Variants in FLI1 observed in about 807,000 individuals in gnomAD.
FLI1 encodes the protein Friend leukemia integration 1 transcription factor.
FLI1 carries 13 observed loss-of-function variants against 53.1 expected under a neutral mutation model. The ratio of observed to expected loss-of-function variants is 0.24; its 90% CI spans 0.16 to 0.39. The LOEUF (loss-of-function observed/expected upper bound fraction) is 0.39, where lower values mean the gene tolerates loss of function less well. Among genes scored for constraint, FLI1 ranks in the 10% least tolerant of loss-of-function variants. The probability of loss-of-function intolerance (pLI) is 1.00; values close to 1 mark genes in which losing one functional copy is unlikely to be tolerated. For missense variants in FLI1, 424 were observed against 600.5 expected (o/e 0.71, Z 3.07); for synonymous variants, 244 against 236.7 (o/e 1.03, Z -0.28).
At chr11:128,797,501 A>C (rs2268606) in intron 5 of FLI1, among the ~76,000 whole-genome samples, 15,389 of 152,110 alleles carry the variant, frequency 0.1, 933 homozygotes, top group East Asian at 0.26. Context: ...TTCAGAGAAG[A>C]CCTCCCATCC....
intron 1 of FLI1, among the ~76,000 whole-genome samples, chr11:128,724,246 G>A (rs916360584): frequency 2.0e-5 from 3 of 152,132 alleles, no homozygotes; most frequent in African/African-American, 7.2e-5. Flanking sequence ...TGCCTGGCCT[G>A]GAGTTGATTT....
chr11:128,772,758 C>T, intron 3 of FLI1, 24 bp from the exon 4 acceptor site: 1 of 1,608,744 alleles, frequency 6.2e-7, no homozygotes, highest in Non-Finnish European at 8.5e-7. Context: ...GCAGTCCTTG[C>T]TAACAACGTC....
intron 1 of FLI1, among the ~76,000 whole-genome samples, chr11:128,698,378 A>C (rs1452407499): frequency 6.6e-6 from 1 of 152,230 alleles, no homozygotes; most frequent in Non-Finnish European, 1.5e-5. Context: ...GTGGTTACCA[A>C]GTGGAATCCT....
chr11:128,727,084 C>G (rs1274414407), intron 1 of FLI1, among the ~76,000 whole-genome samples: 1 of 152,090 alleles, frequency 6.6e-6, no homozygotes, highest in Non-Finnish European at 1.5e-5. Context: ...AGGGAGAATC[C>G]TCTTCTGTAT....
upstream of FLI1, among the ~76,000 whole-genome samples, chr11:128,685,760 A>C (rs900825234): frequency 1.3e-5 from 2 of 150,464 alleles, no homozygotes; most frequent in Non-Finnish European, 3.0e-5. Flanking sequence ...TGGGGAGAAA[A>C]GTGCTTTATC....
intron 6 of FLI1, 72 bp downstream of exon 6, chr11:128,805,503 A>T (rs1354450592): frequency 1.1e-6 from 1 of 942,316 alleles, no homozygotes; most frequent in Non-Finnish European, 1.6e-6. Context: ...CAGGATCATG[A>T]GACACAGGAG....
chr11:128,712,212 T>C (rs1938809414), intron 1 of FLI1, among the ~76,000 whole-genome samples: 1 of 152,102 alleles, frequency 6.6e-6, no homozygotes, highest in African/African-American at 2.4e-5. Flanking sequence ...GTCTGGGACC[T>C]CCTCCTTCTC....
At chr11:128,735,043 C>A (rs563577779) in intron 1 of FLI1, among the ~76,000 whole-genome samples, 1 of 152,184 alleles carries the variant, frequency 6.6e-6, no homozygotes, top group Non-Finnish European at 1.5e-5. Flanking sequence ...TTTATGACCA[C>A]GAACGTAGTC....
At chr11:128,763,196 C>T (rs1282306395) in intron 2 of FLI1, among the ~76,000 whole-genome samples, 1 of 152,142 alleles carries the variant, frequency 6.6e-6, no homozygotes, top group Non-Finnish European at 1.5e-5. Context: ...TTGCTTTTCA[C>T]CCCAGTAGCA....
intron 2 of FLI1, among the ~76,000 whole-genome samples, chr11:128,759,066 G>T (rs11221460): frequency 6.6e-6 from 1 of 152,194 alleles, no homozygotes; most frequent in Non-Finnish European, 1.5e-5. Context: ...TTACTCTAGC[G>T]TTACTCTGAT....
chr11:128,740,143 G>A (rs1199640899), intron 1 of FLI1, among the ~76,000 whole-genome samples: 1 of 152,162 alleles, frequency 6.6e-6, no homozygotes, highest in Non-Finnish European at 1.5e-5. Flanking sequence ...AGCGGGAGTT[G>A]GAAGAGAAGC....
chr11:128,702,310 T>C (rs1938366112), intron 1 of FLI1, among the ~76,000 whole-genome samples: 1 of 152,258 alleles, frequency 6.6e-6, no homozygotes, highest in Admixed American at 6.5e-5. Flanking sequence ...ACATTTCTCT[T>C]CTTTCTGATT....
At chr11:128,763,452 C>T (rs1288771602) in intron 2 of FLI1, among the ~76,000 whole-genome samples, 1 of 152,240 alleles carries the variant, frequency 6.6e-6, no homozygotes, top group Non-Finnish European at 1.5e-5. Context: ...CATCCTGTCT[C>T]AACCACAGGG....
At chr11:128,723,255 GA>G (rs577060487) in intron 1 of FLI1, among the ~76,000 whole-genome samples, 43 of 152,294 alleles carry the variant, frequency 2.8e-4, no homozygotes, top group African/African-American at 9.9e-4. Flanking sequence ...CAATTAAAGA[GA>G]AGAGAGGAGC....
chr11:128,811,391 A>G lies in FLI1; in HGVS notation c.*403A>G, dbSNP rs1440878705. 2.3e-5 allele frequency: 6 copies of G among 259,670 alleles called. 1 individual carries two copies. In the East Asian group the frequency reaches 2.4e-4, roughly 10 times the overall value. The allele number at this position is 259,670 out of a possible 1,614,324, so 16.1% of individuals were successfully genotyped here. A position where few individuals can be genotyped will look rare whatever the true frequency, so the allele number is the denominator to read the frequency against. The stretch of plus-strand genomic sequence containing the variant: ...CACAGAATCATGGACTTAACCCGTC[A>G]TGTTCTGGTTTGAGATTTAGTGACA... On this transcript the variant is annotated 3_prime_UTR_variant, in exon 9 of 9. Transcript: ENST00000527786.
chr11:128,799,217 C>G (rs1942552730), intron 5 of FLI1, among the ~76,000 whole-genome samples: 1 of 151,680 alleles, frequency 6.6e-6, no homozygotes, highest in Admixed American at 6.6e-5. Flanking sequence ...GCCTGAGAGC[C>G]AAGCTTTATT....
chr11:128,773,435 C>T (rs1471623827), intron 4 of FLI1, among the ~76,000 whole-genome samples: 1 of 151,944 alleles, frequency 6.6e-6, no homozygotes, highest in East Asian at 1.9e-4. Context: ...TCTTGGGATA[C>T]TCTGGCACAC....
At chr11:128,707,365 C>A (rs556316502) in intron 1 of FLI1, among the ~76,000 whole-genome samples, 3 of 152,312 alleles carry the variant, frequency 2.0e-5, no homozygotes, top group African/African-American at 7.2e-5. Context: ...TTCTCAAATA[C>A]GGTCTTTGGT....
chr11:128,768,032 G>C (rs374745666), intron 2 of FLI1, 86 bp from the exon 3 acceptor site: 2 of 1,244,048 alleles, frequency 1.6e-6, no homozygotes, highest in African/African-American at 3.0e-5. Flanking sequence ...GCTCATCATC[G>C]GAGCCCTGGG....
Sources: allele counts gnomAD v4.1 joint callset (sites outside exome capture counted in the v4.1 genomes callset), GRCh38; gene constraint gnomAD v4.1.1; transcripts MANE v1.5; gene names NCBI Gene and HGNC (gene_info 2026-07-23, HGNC 2026-07-21).